ARHGEF7: variants seen among roughly 807,000 people sequenced by gnomAD.
ARHGEF7 encodes PAK-interacting exchange factor beta.
In ARHGEF7, 33 loss-of-function variants were observed where a neutral mutation model predicts 109.8. That is an observed-to-expected ratio of 0.30 (90% CI 0.23 to 0.40). ARHGEF7 has a LOEUF of 0.40. Among genes scored for constraint, ARHGEF7 ranks in the 10% least tolerant of loss-of-function variants. The pLI, the probability that ARHGEF7 is intolerant of heterozygous loss-of-function variation, is 1.00. For missense variants in ARHGEF7, 938 were observed against 1,098.5 expected (o/e 0.85, Z 2.07); for synonymous variants, 458 against 424.6 (o/e 1.08, Z -0.97).
intron 19 of ARHGEF7, chr13:111,292,594 G>A: frequency 7.9e-7 from 1 of 1,268,358 alleles, no homozygotes; most frequent in Non-Finnish European, 9.9e-7. Context: ...TTGTTTTATA[G>A]CTCCAAATGG....
In ARHGEF7 at chr13:111,130,499, G is replaced by T. The variant is rs116546009; in HGVS notation, c.165+14808G>T. 3.0e-3 allele frequency among the ~76,000 whole-genome samples: 462 copies of T among 152,274 alleles called. 3 individuals are homozygous for T. Among genetic ancestry groups the T allele is most frequent in the African/African-American group, 0.011 (438 of 41,558 alleles). ...ATGTATAGAATTTTAATGTGCAATG[G>T]TAAATTGTGTACTTATGTTTTATTA... is the stretch of plus-strand genomic sequence containing the variant. On this transcript the variant is annotated intron_variant, in intron 1 of 21. Transcript: ENST00000646102.
Position 111,255,352 on chromosome 13 carries a change from A to G in ARHGEF7, c.950+11058A>G, listed in dbSNP as rs375279423. Among the ~76,000 whole-genome samples the G allele has an allele frequency of 3.9e-5, 6 of 152,290 alleles. No homozygotes were observed. In the East Asian group the frequency reaches 5.8e-4, roughly 15 times the overall value. ...TGTGGGAAGAGGTGTGGCCCAGGTA[A>G]AGGTTAGGTTTGGATTGACAGCTCT... On this transcript the variant is annotated intron_variant, in intron 8 of 21. Transcript: ENST00000646102. This position sits in a 1 kb window ranked among gnomAD's most constrained non-coding sequence, Gnocchi z 4.1.
chr13:111,297,536 A>C (rs575253111), intron 19 of ARHGEF7, among the ~76,000 whole-genome samples: 1 of 152,344 alleles, frequency 6.6e-6, no homozygotes, highest in African/African-American at 2.4e-5. Context: ...TTATGACTTC[A>C]TCTGTTAAAA....
intron 1 of ARHGEF7, among the ~76,000 whole-genome samples, chr13:111,137,149 CA>C (rs1366388981): frequency 2.6e-5 from 4 of 152,230 alleles, no homozygotes; most frequent in Non-Finnish European, 4.4e-5. Flanking sequence ...GATTCACAGC[CA>C]AATTCTACCA....
intron 1 of ARHGEF7, among the ~76,000 whole-genome samples, chr13:111,127,837 A>C (rs1277444480): frequency 1.3e-5 from 2 of 152,110 alleles, no homozygotes; most frequent in African/African-American, 4.8e-5. Context: ...AAATTTAGCA[A>C]ATCAATTTCA....
At chr13:111,194,031 G>C (rs1055564009) in intron 2 of ARHGEF7, among the ~76,000 whole-genome samples, 4 of 152,178 alleles carry the variant, frequency 2.6e-5, no homozygotes. Flanking sequence ...GAGTAGTCCA[G>C]ACAGTGAGAT....
chr13:111,271,774 T>G (rs999014049), intron 9 of ARHGEF7, among the ~76,000 whole-genome samples: 3 of 152,246 alleles, frequency 2.0e-5, no homozygotes, highest in African/African-American at 7.2e-5. Context: ...GCCTTATATA[T>G]GGAGTTGATA....
At chr13:111,132,590 T>C (rs2074813257) in intron 1 of ARHGEF7, among the ~76,000 whole-genome samples, 1 of 152,226 alleles carries the variant, frequency 6.6e-6, no homozygotes, top group Non-Finnish European at 1.5e-5. Flanking sequence ...CTCCTGGGAT[T>C]GACTTTTTCT....
chr13:111,179,126 T>C (rs987727277), intron 2 of ARHGEF7, among the ~76,000 whole-genome samples: 1 of 151,840 alleles, frequency 6.6e-6, no homozygotes, highest in Non-Finnish European at 1.5e-5. Context: ...TCACCTAGGT[T>C]GGAGTGCAGT....
At chr13:111,154,350 C>G (rs141559660) in intron 2 of ARHGEF7, among the ~76,000 whole-genome samples, 81 of 152,326 alleles carry the variant, frequency 5.3e-4, no homozygotes, top group African/African-American at 1.9e-3. Flanking sequence ...TCAGCATGAA[C>G]TCTGCTTTTA....
intron 8 of ARHGEF7, among the ~76,000 whole-genome samples, chr13:111,247,189 C>G (rs941670161): frequency 6.6e-6 from 1 of 151,666 alleles, no homozygotes; most frequent in African/African-American, 2.4e-5. Context: ...GACTTACTTT[C>G]GTCTTTTTGT....
intron 5 of ARHGEF7, among the ~76,000 whole-genome samples, chr13:111,225,393 G>C (rs1297742348): frequency 6.6e-6 from 1 of 152,130 alleles, no homozygotes; most frequent in East Asian, 1.9e-4. Flanking sequence ...AGGGAGAGGC[G>C]TTACTCACCT....
rs1241845421 is a variant in ARHGEF7, at chr13:111,244,561, A to T, written c.950+267A>T. ...TCGGGATGAAGAGCCTCTGGGAGAG[A>T]AAGGAGAATGGCCTGACACCAGGAC... On this transcript the variant is annotated intron_variant, in intron 8 of 21. Coordinates refer to ENST00000646102, the MANE Select transcript of ARHGEF7 (RefSeq NM_001354046.2). 2.0e-5 allele frequency among the ~76,000 whole-genome samples: 3 copies of T among 152,092 alleles called. No individual in the cohort carries two copies. In the East Asian group the frequency reaches 5.8e-4, roughly 29 times the overall value.
rs187298140 is a variant in ARHGEF7 at position 111,243,072 on chromosome 13, A to C, written c.760-800A>C. Reference sequence around the variant, plus strand: ...AAGGTTAATTTATAATTATTCTGCTATCTTTAAATGAAGTAGTAAAGATTG... The same window carrying C: ...AAGGTTAATTTATAATTATTCTGCTCTCTTTAAATGAAGTAGTAAAGATTG... On this transcript the variant is annotated intron_variant, in intron 6 of 21. Transcript: ENST00000646102. 2.0e-5 allele frequency among the ~76,000 whole-genome samples: 3 copies of C among 152,238 alleles called. No individual in the cohort carries two copies. In the South Asian group the frequency reaches 6.2e-4, roughly 32 times the overall value.
chr13:111,221,554 T>TATATATCTATATATAGATAC (rs1566876823), intron 5 of ARHGEF7, among the ~76,000 whole-genome samples: 52 of 72,628 alleles, frequency 7.2e-4, no homozygotes, highest in African/African-American at 2.2e-3. Context: ...TACATATCTA[T>TATATATCTATATATAGATAC]ATATCTATAT....
At chr13:111,173,154 G>C (rs1238936903) in intron 2 of ARHGEF7, among the ~76,000 whole-genome samples, 2 of 152,042 alleles carry the variant, frequency 1.3e-5, no homozygotes, top group Non-Finnish European at 2.9e-5. Flanking sequence ...TCACAGAGTT[G>C]GTGTCAGAGT....
At chr13:111,119,463 C>G (rs574846533) in intron 1 of ARHGEF7, among the ~76,000 whole-genome samples, 71 of 152,008 alleles carry the variant, frequency 4.7e-4, no homozygotes, top group Non-Finnish European at 7.6e-4. Flanking sequence ...CTTGGGGGTT[C>G]CAGTACAGAA....
At chr13:111,236,505 G>C (rs2086852380) in intron 6 of ARHGEF7, among the ~76,000 whole-genome samples, 1 of 152,134 alleles carries the variant, frequency 6.6e-6, no homozygotes. Context: ...GCTGTGTCTT[G>C]CTCAGTGACT....
At chr13:111,213,071 A>G (rs892154479) in intron 4 of ARHGEF7, among the ~76,000 whole-genome samples, 8 of 152,160 alleles carry the variant, frequency 5.3e-5, no homozygotes, top group African/African-American at 1.9e-4. Context: ...AGAGCGGAGG[A>G]GAGGGTATTG....
Sources: gnomAD v4.1 joint callset for allele counts (sites outside exome capture counted in the v4.1 genomes callset) on GRCh38, gnomAD v4.1.1 for gene constraint, Gnocchi (gnomAD v3.1) non-coding constraint, MANE v1.5 for transcripts, NCBI Gene and HGNC (gene_info 2026-07-23, HGNC 2026-07-21) for gene names.